Variants in ZBTB7C observed in about 807,000 individuals in gnomAD.
The protein encoded by ZBTB7C is zinc finger and BTB domain containing 7C.
Under a neutral mutation model 25.7 loss-of-function variants are expected in ZBTB7C, and 8 were observed. The observed-to-expected ratio is 0.31, with a 90% CI of 0.18 to 0.56. The LOEUF (loss-of-function observed/expected upper bound fraction) is 0.56. Ranked by LOEUF, ZBTB7C falls within the 20% of genes least tolerant of loss-of-function variation. The probability of loss-of-function intolerance (pLI) is 0.91; values close to 1 mark genes in which losing one functional copy is unlikely to be tolerated. For synonymous variants in ZBTB7C, 394 were observed against 369.0 expected (o/e 1.07, Z -0.78); for missense variants, 824 against 855.2 (o/e 0.96, Z 0.46).
chr18:48,230,316 C>G (rs1182616536), intron 2 of ZBTB7C, among the ~76,000 whole-genome samples: 1 of 152,212 alleles, frequency 6.6e-6, no homozygotes, highest in Non-Finnish European at 1.5e-5. Context: ...TCTGCCCCAA[C>G]CTAGCTGAAA....
At chr18:48,058,886 C>A (rs767218832) in intron 3 of ZBTB7C, among the ~76,000 whole-genome samples, 12 of 152,184 alleles carry the variant, frequency 7.9e-5, no homozygotes, top group Non-Finnish European at 1.6e-4. Flanking sequence ...ACTGAGGCCT[C>A]CCATCAACGG....
At chr18:48,163,502 T>C (rs1190640807) in intron 3 of ZBTB7C, among the ~76,000 whole-genome samples, 1 of 151,906 alleles carries the variant, frequency 6.6e-6, no homozygotes, top group Non-Finnish European at 1.5e-5. Flanking sequence ...GGAAATGGAG[T>C]GGGGCTTAAC....
At chr18:48,087,047 C>T (rs1008381735) in intron 3 of ZBTB7C, among the ~76,000 whole-genome samples, 2 of 152,226 alleles carry the variant, frequency 1.3e-5, no homozygotes, top group Non-Finnish European at 2.9e-5. Context: ...GATGAGAACA[C>T]TGAAAGTCAG....
intron 2 of ZBTB7C, among the ~76,000 whole-genome samples, chr18:48,244,663 T>C (rs553425203): frequency 6.6e-6 from 1 of 152,006 alleles, no homozygotes; most frequent in African/African-American, 2.4e-5. Flanking sequence ...AAAGAAGATA[T>C]ACAAACAGCA....
intron 2 of ZBTB7C, among the ~76,000 whole-genome samples, chr18:48,306,308 A>T (rs1021538646): frequency 6.6e-6 from 1 of 152,180 alleles, no homozygotes; most frequent in Non-Finnish European, 1.5e-5. Context: ...AGTTTGCAGA[A>T]CACCAGCTAC....
intron 1 of ZBTB7C, among the ~76,000 whole-genome samples, chr18:48,359,881 TG>T (rs1184110075): frequency 3.3e-5 from 5 of 152,186 alleles, no homozygotes; most frequent in African/African-American, 2.4e-5. Context: ...TGTGGGGACT[TG>T]GGAGATTTTT....
intron 3 of ZBTB7C, among the ~76,000 whole-genome samples, chr18:48,042,866 CAAG>C (rs1227507485): frequency 6.6e-6 from 1 of 152,184 alleles, no homozygotes; most frequent in Non-Finnish European, 1.5e-5. Flanking sequence ...GAGAACAAAT[CAAG>C]AAGGCCTCTG....
chr18:48,052,662 C>T (rs185237039), intron 3 of ZBTB7C, among the ~76,000 whole-genome samples: 5 of 152,198 alleles, frequency 3.3e-5, no homozygotes, highest in East Asian at 3.9e-4. Context: ...CCCAGGTGTG[C>T]AGTCAGCAGA....
chr18:48,283,013 TAAG>T (rs1236474358), intron 2 of ZBTB7C, among the ~76,000 whole-genome samples: 1 of 152,092 alleles, frequency 6.6e-6, no homozygotes, highest in Non-Finnish European at 1.5e-5. Context: ...AATATTTCAA[TAAG>T]AAGTTTAAAA....
intron 2 of ZBTB7C, among the ~76,000 whole-genome samples, chr18:48,244,072 C>A (rs1298471669): frequency 2.6e-5 from 4 of 152,152 alleles, no homozygotes; most frequent in African/African-American, 9.7e-5. Flanking sequence ...TGTAAAAATT[C>A]TAGAAGATAA....
intron 3 of ZBTB7C, among the ~76,000 whole-genome samples, chr18:48,170,556 T>C (rs1041574671): frequency 3.3e-5 from 5 of 152,140 alleles, no homozygotes; most frequent in Non-Finnish European, 5.9e-5. Flanking sequence ...TTTTCAGACA[T>C]GTTCAGGAAG....
intron 1 of ZBTB7C, among the ~76,000 whole-genome samples, chr18:48,339,356 A>T (rs1483623171): frequency 6.6e-6 from 1 of 152,260 alleles, no homozygotes; most frequent in Non-Finnish European, 1.5e-5. Context: ...CGGGACACCC[A>T]GCATTGCAGA....
At chr18:48,367,254 TATATA>T (rs2047256829) in intron 1 of ZBTB7C, among the ~76,000 whole-genome samples, 1 of 119,778 alleles carries the variant, frequency 8.3e-6, no homozygotes, top group African/African-American at 3.1e-5. Context: ...CACACACACA[TATATA>T]GTATATATGT....
intron 1 of ZBTB7C, among the ~76,000 whole-genome samples, chr18:48,347,911 C>A (rs1211438578): frequency 2.6e-5 from 4 of 152,172 alleles, no homozygotes. Context: ...ACACTGAGGT[C>A]AACATGCAAA....
intron 1 of ZBTB7C, among the ~76,000 whole-genome samples, chr18:48,382,157 T>C (rs1043092345): frequency 1.3e-5 from 2 of 152,160 alleles, no homozygotes; most frequent in African/African-American, 2.4e-5. Flanking sequence ...CCAATACTAG[T>C]GGGAAGCCAA....
intron 2 of ZBTB7C, among the ~76,000 whole-genome samples, chr18:48,320,572 G>A (rs766616288): frequency 1.3e-5 from 2 of 152,282 alleles, no homozygotes; most frequent in East Asian, 3.9e-4. Context: ...GCCAAACCCC[G>A]GATATCATGA....
intron 2 of ZBTB7C, among the ~76,000 whole-genome samples, chr18:48,327,591 G>A (rs1391867624): frequency 6.6e-6 from 1 of 152,134 alleles, no homozygotes; most frequent in Non-Finnish European, 1.5e-5. Context: ...TAGTGCCAAA[G>A]CTCTGGGGGT....
At chr18:48,131,116 C>A (rs1326665330) in intron 3 of ZBTB7C, among the ~76,000 whole-genome samples, 3 of 152,196 alleles carry the variant, frequency 2.0e-5, no homozygotes, top group Non-Finnish European at 2.9e-5. Flanking sequence ...ATTGGTCAGG[C>A]AGGTCTCGAA....
At chr18:48,314,290 G>A (rs567910282) in intron 2 of ZBTB7C, among the ~76,000 whole-genome samples, 6 of 152,130 alleles carry the variant, frequency 3.9e-5, no homozygotes, top group Non-Finnish European at 8.8e-5. Flanking sequence ...GCTTCAGTTC[G>A]TCTACAATGA....
Sources: gnomAD v4.1 joint callset for allele counts (sites outside exome capture counted in the v4.1 genomes callset) on GRCh38, gnomAD v4.1.1 for gene constraint, MANE v1.5 for transcripts, NCBI Gene and HGNC (gene_info 2026-07-23, HGNC 2026-07-21) for gene names.